Variants in SUZ12 observed in about 807,000 individuals in gnomAD.
SUZ12 encodes SUZ12 polycomb repressive complex 2 subunit, also known as polycomb protein SUZ12.
A neutral mutation model predicts 87.3 loss-of-function variants in SUZ12; 17 were observed. The ratio of observed to expected loss-of-function variants is 0.19; its 90% CI spans 0.13 to 0.29. SUZ12 has a LOEUF of 0.29. Ranked by LOEUF, SUZ12 falls within the 10% of genes least tolerant of loss-of-function variation. SUZ12 has a pLI of 1.00. For missense variants in SUZ12, 526 were observed against 912.2 expected, an observed-to-expected ratio of 0.58 and a Z score of 5.45; for synonymous variants, 253 against 312.4, an observed-to-expected ratio of 0.81 and a Z score of 2.01.
intron 5 of SUZ12, among the ~76,000 whole-genome samples, chr17:31,972,472 A>G (rs1433923708): frequency 1.3e-5 from 2 of 151,612 alleles, no homozygotes; most frequent in Non-Finnish European, 2.9e-5. Flanking sequence ...GAGGGCAGTG[A>G]CAGGATCATA....
chr17:31,963,434 C>G (rs1208551220), intron 4 of SUZ12, among the ~76,000 whole-genome samples: 1 of 151,352 alleles, frequency 6.6e-6, no homozygotes, highest in Non-Finnish European at 1.5e-5. Flanking sequence ...GCTAGGATTA[C>G]AGGCATGAGC....
At position 31,937,465 on chromosome 17, in the gene SUZ12, G is replaced by T; in HGVS notation, c.219G>T (p.Lys73Asn). The stretch of plus-strand genomic sequence containing the variant: ...GGGCTGCGGTGTTACCGGTGAAGAA[G>T]CCGAAAATGGAGCACGTCCAGGCTG... Reference protein sequence around the residue: ...AAGAAVLPVKKPKMEHVQADH... With the variant: ...AAGAAVLPVKNPKMEHVQADH... The change falls in exon 1 of 16, where the codon AAG becomes AAT. Residue 73 changes from lysine (K) to asparagine (N), a missense_variant. Lys to Asn is a moderately conservative substitution (Grantham distance 94, BLOSUM62 0). This residue lies in a region of SUZ12 where 18 missense variants were observed against 62.3 expected (regional missense o/e 0.29). Coordinates refer to ENST00000322652, the MANE Select transcript of SUZ12 (RefSeq NM_015355.4). The T allele has an allele frequency of 6.5e-7, 1 of 1,541,300 alleles. No individual in the cohort carries two copies. Among genetic ancestry groups the T allele is most frequent in the South Asian group, 1.2e-5 (1 of 83,678 alleles).
intron 5 of SUZ12, among the ~76,000 whole-genome samples, chr17:31,970,876 A>C (rs1307143634): frequency 2.0e-5 from 3 of 152,062 alleles, no homozygotes; most frequent in African/African-American, 7.2e-5. Flanking sequence ...GTGTTCATGG[A>C]TTCATCTATT....
intron 5 of SUZ12, among the ~76,000 whole-genome samples, chr17:31,971,484 A>G (rs1457360470): frequency 4.1e-5 from 6 of 145,364 alleles, no homozygotes; most frequent in Middle Eastern, 3.7e-3. Context: ...CTGGAGTGCA[A>G]TGGTGTGATC....
At position 31,966,483 on chromosome 17, in the gene SUZ12, G is replaced by A. The variant is rs1908094649; in HGVS notation, c.505+287G>A. 2.1e-5 allele frequency: 6 copies of A among 283,948 alleles called. No individual in the cohort carries two copies. The East Asian group carries it at 5.5e-4, about 26-fold the overall frequency. 17.6% of individuals were successfully genotyped at this position (283,948 alleles called of 1,614,324 possible). ...CTGCCTCAGCCTCCTGAGTAGCTGG[G>A]ATTACAGGCACGTGCCCCATGCCTG... On this transcript the variant is annotated intron_variant, in intron 5 of 15. Transcript: ENST00000322652.
At chr17:31,944,253 C>T (rs562927120) in intron 3 of SUZ12, among the ~76,000 whole-genome samples, 12 of 151,820 alleles carry the variant, frequency 7.9e-5, no homozygotes, top group Admixed American at 2.6e-4. Context: ...CTCAGCCTCC[C>T]GAGTAGCTGG....
At chr17:31,984,479 TAAG>T (rs941715638) in intron 9 of SUZ12, among the ~76,000 whole-genome samples, 2 of 152,278 alleles carry the variant, frequency 1.3e-5, no homozygotes, top group East Asian at 1.9e-4. Context: ...GATTGAAAAG[TAAG>T]AAAGCATAAA....
chr17:31,993,851 T>A lies in SUZ12; in HGVS notation c.1294-14T>A. ...TAAATTGGAGATTTGCTTTTTTTTT[T>A]TAATTGTTTTTAGTTTCTCTATAAC... On this transcript the variant is annotated splice_polypyrimidine_tract_variant and intron_variant, in intron 11 of 15. Transcript: ENST00000322652. The A allele has an allele frequency of 1.3e-6, 2 of 1,581,464 alleles. No individual in the cohort carries two copies. The highest frequency in any genetic ancestry group is 1.7e-6 in the Non-Finnish European group (2 of 1,170,934).
Position 31,999,034 on chromosome 17 carries a change from C to A in SUZ12, c.*31C>A. The stretch of plus-strand genomic sequence containing the variant: ...TCTAACCCCATGTTATGGACAAACA[C>A]TGAAATTACATTTTAGGGAATTCAT... On this transcript the variant is annotated 3_prime_UTR_variant, in exon 16 of 16. Transcript: ENST00000322652. The A allele has an allele frequency of 6.8e-7, 1 of 1,468,972 alleles. No individual in the cohort carries two copies. Among genetic ancestry groups the A allele is most frequent in the Non-Finnish European group, 9.0e-7 (1 of 1,105,968 alleles). 91.0% of individuals were successfully genotyped at this position (1,468,972 alleles called of 1,614,324 possible). A position where few individuals can be genotyped will look rare whatever the true frequency, so the allele number is the denominator to read the frequency against.
At position 32,000,649 on chromosome 17, in the gene SUZ12, A is replaced by T. The variant is rs1322705231; in HGVS notation, c.*1646A>T. ...CACATATGTAAAAAAAAAAAAAAAA[A>T]GATTATTTTAGGGGAGATGTAGGTG... On this transcript the variant is annotated 3_prime_UTR_variant, in exon 16 of 16. Transcript: ENST00000322652. 1 of 229,458 alleles carries T rather than the reference A, an allele frequency of 4.4e-6. No individual in the cohort carries two copies. 14.2% of individuals were successfully genotyped at this position (229,458 alleles called of 1,614,324 possible).
intron 4 of SUZ12, among the ~76,000 whole-genome samples, chr17:31,952,312 G>A (rs1907036250): frequency 6.6e-6 from 1 of 152,138 alleles, no homozygotes; most frequent in Admixed American, 6.6e-5. Context: ...CTTTCAGATT[G>A]GCTTCCCAAA....
At chr17:31,942,683 A>G (rs1906378215) in intron 3 of SUZ12, among the ~76,000 whole-genome samples, 1 of 152,110 alleles carries the variant, frequency 6.6e-6, no homozygotes, top group Non-Finnish European at 1.5e-5. Context: ...AATCAATAGG[A>G]TGAAGGTTTT....
chr17:31,955,392 C>G (rs565994076), intron 4 of SUZ12, among the ~76,000 whole-genome samples: 35 of 152,268 alleles, frequency 2.3e-4, no homozygotes, highest in Non-Finnish European at 4.0e-4. Context: ...AATGATCCTC[C>G]TGCCTCAGCC....
chr17:31,996,903 A>G (rs1256522687), intron 15 of SUZ12, 26 bp downstream of exon 15: 3 of 1,316,876 alleles, frequency 2.3e-6, no homozygotes, highest in Non-Finnish European at 3.0e-6. Flanking sequence ...ATTAATTTAA[A>G]TATTTTATTA....
At chr17:31,979,572 T>G (rs1266849674) in intron 8 of SUZ12, among the ~76,000 whole-genome samples, 1 of 152,216 alleles carries the variant, frequency 6.6e-6, no homozygotes, top group African/African-American at 2.4e-5. Flanking sequence ...TGTATCTCAA[T>G]TAGGACTTCT....
At chr17:31,996,756 TA>T in intron 14 of SUZ12, 41 bp from the exon 15 acceptor site, 1 of 1,383,040 alleles carries the variant, frequency 7.2e-7, no homozygotes, top group Non-Finnish European at 9.8e-7. Context: ...AAGTTTTTCT[TA>T]AAATATGTGT....
chr17:31,978,753 T>C (rs1325339754), intron 8 of SUZ12, among the ~76,000 whole-genome samples: 1 of 152,200 alleles, frequency 6.6e-6, no homozygotes, highest in Non-Finnish European at 1.5e-5. Context: ...AAGATAATGC[T>C]TTTATTTTAA....
At chr17:31,961,149 G>C (rs1907687857) in intron 4 of SUZ12, among the ~76,000 whole-genome samples, 1 of 151,968 alleles carries the variant, frequency 6.6e-6, no homozygotes, top group Non-Finnish European at 1.5e-5. Context: ...GGAGGCAGAA[G>C]TTACAGTGAG....
chr17:31,952,733 T>C (rs544351741), intron 4 of SUZ12, among the ~76,000 whole-genome samples: 1 of 152,192 alleles, frequency 6.6e-6, no homozygotes, highest in East Asian at 1.9e-4. Context: ...CAGCTACTTT[T>C]TGCATTTTTA....
Sources: gnomAD v4.1 joint callset for allele counts (sites outside exome capture counted in the v4.1 genomes callset) on GRCh38, gnomAD v4.1.1 for gene constraint, gnomAD v4.1.1 regional missense constraint, MANE v1.5 for transcripts, NCBI Gene and HGNC (gene_info 2026-07-23, HGNC 2026-07-21) for gene names.